BPIFB1: variants seen among roughly 807,000 people sequenced by gnomAD.
The protein encoded by BPIFB1 is BPI fold containing family B member 1.
In BPIFB1, 34 loss-of-function variants were observed where a neutral mutation model predicts 55.1. The ratio of observed to expected loss-of-function variants is 0.62; its 90% CI spans 0.47 to 0.82. BPIFB1 has a LOEUF of 0.82. Ranked by LOEUF, BPIFB1 falls within the 40% of genes least tolerant of loss-of-function variation. The pLI, the probability that BPIFB1 is intolerant of heterozygous loss-of-function variation, is 0.00. For synonymous variants in BPIFB1, 236 were observed against 245.3 expected (o/e 0.96, Z 0.35); for missense variants, 532 against 593.1 (o/e 0.90, Z 1.07).
At chr20:33,299,661 T>A (rs1395955828) in intron 7 of BPIFB1, among the ~76,000 whole-genome samples, 1 of 152,222 alleles carries the variant, frequency 6.6e-6, no homozygotes, top group East Asian at 1.9e-4. Context: ...TAAGACCTAC[T>A]TCCTAACGTT....
rs756520710 is a variant in BPIFB1, at chr20:33,289,884, G to T, written c.258-1G>T. The T allele has an allele frequency of 4.3e-6, 7 of 1,613,646 alleles. No homozygotes were observed. In the East Asian group the frequency reaches 1.6e-4, roughly 36 times the overall value. Reference sequence around the variant, plus strand: ...TCTGATCTCTCCTAAACCCCATCCAGGCTGAAGGTCATCACAGCTAACATC... The same window carrying T: ...TCTGATCTCTCCTAAACCCCATCCATGCTGAAGGTCATCACAGCTAACATC... On this transcript the variant is annotated splice_acceptor_variant, in intron 3 of 15. Transcript: ENST00000253354. LOFTEE classifies it high-confidence loss of function.
At chr20:33,305,340 T>C (rs1283520743) in intron 13 of BPIFB1, among the ~76,000 whole-genome samples, 3 of 127,704 alleles carry the variant, frequency 2.3e-5, no homozygotes, top group Non-Finnish European at 4.8e-5. Flanking sequence ...TTTTTTGAGA[T>C]GGAGTCTCGC....
chr20:33,304,059 A>G, intron 12 of BPIFB1, 34 bp downstream of exon 12: 1 of 1,587,392 alleles, frequency 6.3e-7, no homozygotes, highest in Admixed American at 1.7e-5. Flanking sequence ...GATTCTGCTG[A>G]TGGAAATGAG....
At chr20:33,296,411 T>C (rs2146530706) in intron 6 of BPIFB1, among the ~76,000 whole-genome samples, 1 of 152,302 alleles carries the variant, frequency 6.6e-6, no homozygotes, top group Admixed American at 6.5e-5. Context: ...CTCAAGAGTA[T>C]TAAGGGGTGG....
At chr20:33,299,075 T>C (rs781216391) in intron 7 of BPIFB1, 4 of 448,190 alleles carry the variant, frequency 8.9e-6, no homozygotes, top group Admixed American at 4.7e-5. Flanking sequence ...TTTTAGTACA[T>C]GTGCTGCCCT....
At chr20:33,289,241 C>A (rs1980370343) in intron 3 of BPIFB1, among the ~76,000 whole-genome samples, 1 of 151,980 alleles carries the variant, frequency 6.6e-6, no homozygotes, top group Non-Finnish European at 1.5e-5. Context: ...ATTAGCCAGG[C>A]ATGGTGGCAG....
chr20:33,285,717 CAAA>C (rs71870806), intron 1 of BPIFB1, among the ~76,000 whole-genome samples: 6 of 108,372 alleles, frequency 5.5e-5, no homozygotes, highest in Non-Finnish European at 4.1e-5. Flanking sequence ...GACTCTGTCT[CAAA>C]AAAAAAAAAA....
At chr20:33,308,453 C>A (rs938920280) in intron 15 of BPIFB1, among the ~76,000 whole-genome samples, 1 of 151,844 alleles carries the variant, frequency 6.6e-6, no homozygotes, top group Non-Finnish European at 1.5e-5. Flanking sequence ...CACACATATA[C>A]ACACACACAC....
chr20:33,283,493 T>G (rs888844872), intron 1 of BPIFB1, among the ~76,000 whole-genome samples: 1 of 152,160 alleles, frequency 6.6e-6, no homozygotes, highest in South Asian at 2.1e-4. Flanking sequence ...GACCTCTTCC[T>G]AGTGACATAA....
rs1470416336 is a variant in BPIFB1, at chr20:33,302,315, C to T, written c.928-44C>T. ...CAGTGGGGTGCAGGAGATGTGCCTCCCTGTGCCCTCCAACTGACCTTCTCT... is the reference window on the plus strand; with the variant it reads ...CAGTGGGGTGCAGGAGATGTGCCTCTCTGTGCCCTCCAACTGACCTTCTCT... On this transcript the variant is annotated intron_variant, in intron 9 of 15. Coordinates refer to ENST00000253354, the MANE Select transcript of BPIFB1 (RefSeq NM_033197.3). The T allele has an allele frequency of 3.1e-6, 5 of 1,603,058 alleles. No individual in the cohort carries two copies. In the African/African-American group the frequency reaches 5.4e-5, roughly 17 times the overall value.
rs1980258630 is a variant in BPIFB1, at chr20:33,286,117, C to CAGCGACCTTGATCCA, written c.47_48insGACCTTGATCCAAGC (p.Ile19_Leu23dup). 2 of 1,614,218 alleles carry CAGCGACCTTGATCCA rather than the reference C, an allele frequency of 1.2e-6. No homozygotes were observed. The highest frequency in any genetic ancestry group is 8.5e-7 in the Non-Finnish European group (1 of 1,180,028). On this transcript the variant is annotated inframe_insertion, in exon 2 of 16. Coordinates refer to ENST00000253354, the MANE Select transcript of BPIFB1 (RefSeq NM_033197.3). Reference sequence around the variant, plus strand: ...TTCACCCTTCTCTGTGGTTTGCTGGCAGCCACCTTGATCCAAGCCACCCTC... The same window carrying CAGCGACCTTGATCCA: ...TTCACCCTTCTCTGTGGTTTGCTGGCAGCGACCTTGATCCAAGCCACCTTGATCCAAGCCACCCTC...
chr20:33,302,861 C>A, intron 10 of BPIFB1, 55 bp from the exon 11 acceptor site: 1 of 1,598,762 alleles, frequency 6.3e-7, no homozygotes, highest in African/African-American at 1.3e-5. Context: ...CACACAGAGC[C>A]TGTGGGCCAT....
chr20:33,306,001 G>GC lies in BPIFB1; in HGVS notation c.1256dup (p.Asp420Ter). On this transcript the variant is annotated frameshift_variant and splice_region_variant. Transcript: ENST00000253354. LOFTEE classifies it high-confidence loss of function. ...GACAGTGCCCCTTCTCTCTCTCACA[G>GC]CCTGATGTTCTGAAAAACATCATCA... 6.2e-7 allele frequency: 1 copy of GC among 1,614,056 alleles called. No individual in the cohort carries two copies. The highest frequency in any genetic ancestry group is 1.1e-5 in the South Asian group (1 of 91,082).
chr20:33,295,606 G>A (rs1980611389), intron 6 of BPIFB1, among the ~76,000 whole-genome samples: 1 of 146,956 alleles, frequency 6.8e-6, no homozygotes, highest in South Asian at 2.1e-4. Flanking sequence ...TCCAGCCTGG[G>A]TGACAGAGTG....
At chr20:33,298,124 C>T (rs62209750) in intron 7 of BPIFB1, among the ~76,000 whole-genome samples, 1 of 152,098 alleles carries the variant, frequency 6.6e-6, no homozygotes, top group African/African-American at 2.4e-5. Flanking sequence ...AGCCCCCGGA[C>T]TAGTTTTTAT....
intron 6 of BPIFB1, 148 bp from the exon 7 acceptor site, chr20:33,297,377 G>A (rs753331764): frequency 9.7e-5 from 77 of 794,916 alleles, no homozygotes; most frequent in Admixed American, 9.7e-5. Flanking sequence ...TTCAACACAC[G>A]AATGAATCCT....
Position 33,307,259 on chromosome 20 carries a change from G to A in BPIFB1, c.1395+272G>A, listed in dbSNP as rs1254120873. Reference sequence around the variant, plus strand: ...TTCAGTAATTCACTAAATATTTTTCGAGGGTCTTCTATAGGCAAGCCATGC... The same window carrying A: ...TTCAGTAATTCACTAAATATTTTTCAAGGGTCTTCTATAGGCAAGCCATGC... On this transcript the variant is annotated intron_variant, in intron 15 of 15. Coordinates refer to ENST00000253354, the MANE Select transcript of BPIFB1 (RefSeq NM_033197.3). The A allele has an allele frequency of 2.1e-5, 9 of 435,982 alleles. No individual in the cohort carries two copies. The South Asian group carries it at 2.6e-4, about 12-fold the overall frequency. The allele number at this position is 435,982 out of a possible 1,614,324, so 27.0% of individuals were successfully genotyped here. A position where few individuals can be genotyped will look rare whatever the true frequency, so the allele number is the denominator to read the frequency against.
At chr20:33,292,381 A>T (rs1980502783) in intron 6 of BPIFB1, among the ~76,000 whole-genome samples, 1 of 152,248 alleles carries the variant, frequency 6.6e-6, no homozygotes, top group Non-Finnish European at 1.5e-5. Flanking sequence ...GATATACAAT[A>T]GCACACGATT....
chr20:33,285,729 AAAAG>A (rs1421777873), intron 1 of BPIFB1, among the ~76,000 whole-genome samples: 1 of 151,226 alleles, frequency 6.6e-6, no homozygotes, highest in Non-Finnish European at 1.5e-5. Flanking sequence ...AAAAAAAAAA[AAAAG>A]AAAGAAAATA....
Sources: gnomAD v4.1 joint callset for allele counts (sites outside exome capture counted in the v4.1 genomes callset) on GRCh38, gnomAD v4.1.1 for gene constraint, MANE v1.5 for transcripts, NCBI Gene and HGNC (gene_info 2026-07-23, HGNC 2026-07-21) for gene names.